Variants in ADK observed in about 807,000 individuals in gnomAD.
ADK encodes adenosine kinase, also known as N6,N6-dimethyladenosine kinase.
ADK carries 24 observed loss-of-function variants against 44.7 expected under a neutral mutation model. The ratio of observed to expected loss-of-function variants is 0.54; its 90% CI spans 0.39 to 0.76. ADK has a LOEUF of 0.76. Among genes scored for constraint, ADK ranks in the 30% least tolerant of loss-of-function variants. ADK has a pLI of 0.00. For missense variants in ADK, 321 were observed against 425.1 expected, an observed-to-expected ratio of 0.76 and a Z score of 2.15; for synonymous variants, 128 against 142.6, an observed-to-expected ratio of 0.90 and a Z score of 0.73.
chr10:74,609,177 G>A (rs759190167), intron 9 of ADK, among the ~76,000 whole-genome samples: 4 of 152,134 alleles, frequency 2.6e-5, no homozygotes, highest in Non-Finnish European at 4.4e-5. Flanking sequence ...GCTGGGCTCC[G>A]TCGGGGCAGG....
At chr10:74,621,209 C>A (rs1011376390) in intron 9 of ADK, among the ~76,000 whole-genome samples, 4 of 152,124 alleles carry the variant, frequency 2.6e-5, no homozygotes, top group Non-Finnish European at 5.9e-5. Context: ...TTGGGTCTTA[C>A]ATTTAATCCA....
rs116182156 is a variant in ADK at position 74,448,738 on chromosome 10, G to A, written c.555+50159G>A. On this transcript the variant is annotated intron_variant, in intron 6 of 10. Transcript: ENST00000539909. ...TGACATTTAGGCCAAGAATTGTTAG[G>A]AATTCCTATTTAGGTTTATACCAGT... 4.9e-3 allele frequency among the ~76,000 whole-genome samples: 743 copies of A among 152,044 alleles called. 5 individuals carry two copies. The highest frequency in any genetic ancestry group is 0.017 in the African/African-American group (699 of 41,488).
intron 1 of ADK, among the ~76,000 whole-genome samples, chr10:74,199,066 A>T (rs1026335064): frequency 1.3e-5 from 2 of 152,182 alleles, no homozygotes; most frequent in African/African-American, 2.4e-5. Flanking sequence ...ATATATTTAA[A>T]TTTTTTGGAT....
chr10:74,200,156 G>GTTTTTTTTTT (rs760622376), intron 1 of ADK, among the ~76,000 whole-genome samples: 6 of 99,270 alleles, frequency 6.0e-5, no homozygotes, highest in Admixed American at 1.1e-4. Flanking sequence ...GACACCATCT[G>GTTTTTTTTTT]TTTTTTTTTT....
At chr10:74,368,634 C>T (rs558298279) in intron 4 of ADK, among the ~76,000 whole-genome samples, 1 of 144,780 alleles carries the variant, frequency 6.9e-6, no homozygotes, top group African/African-American at 2.5e-5. Flanking sequence ...CTGAAATATT[C>T]TTTTTTTTTT....
At chr10:74,454,092 G>A (rs1271807269) in intron 6 of ADK, among the ~76,000 whole-genome samples, 4 of 152,010 alleles carry the variant, frequency 2.6e-5, no homozygotes, top group Admixed American at 1.3e-4. Context: ...GTTAAATAAC[G>A]GCCACTAAAT....
At chr10:74,435,419 A>G (rs1396546625) in intron 6 of ADK, among the ~76,000 whole-genome samples, 1 of 152,198 alleles carries the variant, frequency 6.6e-6, no homozygotes, top group Non-Finnish European at 1.5e-5. Context: ...TGTGTTATCC[A>G]CAGTCATGTG....
At chr10:74,624,673 C>T (rs983468241) in intron 9 of ADK, among the ~76,000 whole-genome samples, 2 of 151,932 alleles carry the variant, frequency 1.3e-5, no homozygotes, top group Admixed American at 6.6e-5. Context: ...GCAGTTTTTT[C>T]GTTATTAGGA....
chr10:74,200,472 G>A (rs1405537621), intron 1 of ADK, among the ~76,000 whole-genome samples: 2 of 138,888 alleles, frequency 1.4e-5, no homozygotes, highest in African/African-American at 2.7e-5. Context: ...CGACAAGAGC[G>A]AAACTCCGTG....
At chr10:74,562,971 TG>T (rs1173529866) in intron 7 of ADK, among the ~76,000 whole-genome samples, 1 of 152,208 alleles carries the variant, frequency 6.6e-6, no homozygotes, top group Non-Finnish European at 1.5e-5. Flanking sequence ...GGTTTTGGTT[TG>T]GTTTTCACTT....
At chr10:74,200,882 TGAA>T in intron 2 of ADK, 44 bp downstream of exon 2, 1 of 1,240,220 alleles carries the variant, frequency 8.1e-7, no homozygotes, top group Non-Finnish European at 1.2e-6. Flanking sequence ...AACTTACATT[TGAA>T]GAAGAATGGA....
intron 3 of ADK, among the ~76,000 whole-genome samples, chr10:74,305,214 A>G (rs7069460): frequency 0.63 from 95,136 of 152,002 alleles, 31,502 homozygotes; most frequent in Middle Eastern, 0.78. Context: ...TGGTTGGTTG[A>G]ATCCATGGAT....
chr10:74,631,217 A>G (rs1389729957), intron 9 of ADK, among the ~76,000 whole-genome samples: 1 of 151,580 alleles, frequency 6.6e-6, no homozygotes, highest in African/African-American at 2.4e-5. Context: ...ATCTGTGTCT[A>G]TATTTAACCT....
At chr10:74,442,798 ATG>A (rs1478848309) in intron 6 of ADK, among the ~76,000 whole-genome samples, 1 of 152,238 alleles carries the variant, frequency 6.6e-6, no homozygotes, top group Non-Finnish European at 1.5e-5. Flanking sequence ...AAGAAAGTAT[ATG>A]TATATATAAA....
intron 4 of ADK, among the ~76,000 whole-genome samples, chr10:74,355,516 A>G (rs977386468): frequency 1.3e-5 from 2 of 152,204 alleles, no homozygotes; most frequent in African/African-American, 4.8e-5. Flanking sequence ...TGTTCCACAT[A>G]ACTTTTATCT....
At chr10:74,442,095 C>T (rs1472204833) in intron 6 of ADK, among the ~76,000 whole-genome samples, 1 of 151,620 alleles carries the variant, frequency 6.6e-6, no homozygotes, top group Non-Finnish European at 1.5e-5. Flanking sequence ...CAAGGCCAGC[C>T]TAGGCAACAT....
chr10:74,385,635 A>G (rs1480610761), intron 4 of ADK, among the ~76,000 whole-genome samples: 4 of 152,248 alleles, frequency 2.6e-5, no homozygotes, highest in Non-Finnish European at 5.9e-5. Context: ...TCTGCATTTT[A>G]TCACAGTCTC....
chr10:74,173,096 T>G (rs12572696), intron 1 of ADK, among the ~76,000 whole-genome samples: 2,723 of 151,576 alleles, frequency 0.018, 44 homozygotes, highest in Non-Finnish European at 0.026. Flanking sequence ...TAGTTTTTTT[T>G]TTTTCTTTTT....
intron 10 of ADK, among the ~76,000 whole-genome samples, chr10:74,678,839 TG>T (rs567766884): frequency 1.8e-4 from 27 of 152,216 alleles, no homozygotes; most frequent in Admixed American, 1.3e-4. Context: ...GTGAGCCAAT[TG>T]GAAGTAATTT....
Sources: gnomAD v4.1 joint callset for allele counts (sites outside exome capture counted in the v4.1 genomes callset) on GRCh38, gnomAD v4.1.1 for gene constraint, MANE v1.5 for transcripts, NCBI Gene and HGNC (gene_info 2026-07-23, HGNC 2026-07-21) for gene names.